The following KRT31 variants were observed in gnomAD, a reference collection of about 807,000 sequenced individuals.
KRT31 encodes the protein keratin 31.
KRT31 carries 27 observed loss-of-function variants against 40.8 expected under a neutral mutation model. The observed-to-expected ratio is 0.66, with a 90% CI of 0.49 to 0.91. The LOEUF (loss-of-function observed/expected upper bound fraction) is 0.91. Ranked by LOEUF, KRT31 falls within the 40% of genes least tolerant of loss-of-function variation. The probability of loss-of-function intolerance (pLI) is 0.00; values close to 1 mark genes in which losing one functional copy is unlikely to be tolerated. For missense variants in KRT31, 510 were observed against 544.1 expected (o/e 0.94, Z 0.62); for synonymous variants, 231 against 231.9 (o/e 1.00, Z 0.03).
rs540046370 is a variant in KRT31, at chr17:41,396,581, G to A, written c.432-5C>T. ...AGGGACAGCTCGGTCTGGTACCTGC[G>A]CAAGGACAGGGTCAGAGTACTACCT... On this transcript the variant is annotated splice_region_variant and splice_polypyrimidine_tract_variant and intron_variant, in intron 2 of 6. Coordinates refer to ENST00000251645, the MANE Select transcript of KRT31 (RefSeq NM_002277.3). The A allele has an allele frequency of 6.8e-5, 109 of 1,612,930 alleles. No individual in the cohort carries two copies. Among genetic ancestry groups the A allele is most frequent in the Non-Finnish European group, 8.4e-5 (99 of 1,179,334 alleles).
chr17:41,394,755 T>C, intron 6 of KRT31, 93 bp downstream of exon 6: 2 of 1,571,696 alleles, frequency 1.3e-6, no homozygotes, highest in Admixed American at 1.7e-5. Flanking sequence ...GAAGGCATAA[T>C]TTCCTTTCCA....
At position 41,396,997 on chromosome 17, in the gene KRT31, T is replaced by C. The variant is rs2018239649; in HGVS notation, c.349-2A>G. 1 of 1,613,424 alleles carries C rather than the reference T, an allele frequency of 6.2e-7. No individual in the cohort carries two copies. The highest frequency in any genetic ancestry group is 8.5e-7 in the Non-Finnish European group (1 of 1,179,476). ...ATTCTCAGACTTGGTACACAGGATC[T>C]GGGGAGTGAGAGGTGGCTTAGTGAG... On this transcript the variant is annotated splice_acceptor_variant, in intron 1 of 6. Coordinates refer to ENST00000251645, the MANE Select transcript of KRT31 (RefSeq NM_002277.3). LOFTEE classifies it high-confidence loss of function.
At chr17:41,396,696 G>T in intron 2 of KRT31, 120 bp from the exon 3 acceptor site, 1 of 1,142,276 alleles carries the variant, frequency 8.8e-7, no homozygotes. Context: ...CCAGGAGACA[G>T]AGGTTTCTGG....
chr17:41,395,461 C>T lies in KRT31; in HGVS notation c.750+1G>A. On this transcript the variant is annotated splice_donor_variant, in intron 4 of 6. Coordinates refer to ENST00000251645, the MANE Select transcript of KRT31 (RefSeq NM_002277.3). LOFTEE classifies it high-confidence loss of function. ...GAGGGGCCACGTGCTTAGATGCCCACCTGCGTGGTGAACCATTGCTCCACT... is the reference window on the plus strand; with the variant it reads ...GAGGGGCCACGTGCTTAGATGCCCATCTGCGTGGTGAACCATTGCTCCACT... The T allele has an allele frequency of 6.2e-7, 1 of 1,614,170 alleles. No homozygotes were observed. The highest frequency in any genetic ancestry group is 1.1e-5 in the South Asian group (1 of 91,078).
rs780905222 is a variant in KRT31, at chr17:41,397,511, A to G, written c.29T>C (p.Leu10Pro). The change falls in exon 1 of 7, where the codon CTG becomes CCG. Residue 10 changes from leucine (L) to proline (P), a missense_variant. Transcript: ENST00000251645. ...GGAGGAGCAGCTGGTGCGGCAGCTC[A>G]GGCTGGGCAGGCAGAAGTTGTAGGG... is the stretch of plus-strand genomic sequence containing the variant. MPYNFCLPS[L>P]SCRTSCSSRP... 16 of 1,469,232 alleles carry G rather than the reference A, an allele frequency of 1.1e-5. No homozygotes were observed. Among genetic ancestry groups the G allele is most frequent in the South Asian group, 2.2e-5 (2 of 88,970 alleles). 91.0% of individuals were successfully genotyped at this position (1,469,232 alleles called of 1,614,324 possible).
Position 41,393,815 on chromosome 17 carries a change from C to G in KRT31, c.*201G>C. On this transcript the variant is annotated 3_prime_UTR_variant, in exon 7 of 7. Transcript: ENST00000251645. ...CTGGGTGAGCATAGGAAGGAACAGACCCCCAGGAAGGAAAGGGTGAGCAGG... is the reference window on the plus strand; with the variant it reads ...CTGGGTGAGCATAGGAAGGAACAGAGCCCCAGGAAGGAAAGGGTGAGCAGG... 1.8e-6 allele frequency: 1 copy of G among 565,740 alleles called. No homozygotes were observed. The highest frequency in any genetic ancestry group is 3.3e-5 in the East Asian group (1 of 30,566). The allele number at this position is 565,740 out of a possible 1,614,324, so 35.0% of individuals were successfully genotyped here.
chr17:41,395,010 G>A lies in KRT31; in HGVS notation c.935C>T (p.Ser312Phe). 6.2e-7 allele frequency: 1 copy of A among 1,614,236 alleles called. No homozygotes were observed. The highest frequency in any genetic ancestry group is 1.7e-4 in the Middle Eastern group (1 of 6,060). The change falls in exon 6 of 7, where the codon TCC (serine) becomes TTC (phenylalanine). Residue 312 changes from serine to phenylalanine, a missense_variant. Transcript: ENST00000251645. ...GTTGGTGATCAGGCTCTGCACCTGG[G>A]ACAGCTGGGAGCTGTAGCGGGCCTC... ...ESEARYSSQL[S>F]QVQSLITNVE...
intron 1 of KRT31, 82 bp from the exon 2 acceptor site, chr17:41,397,077 G>C: frequency 1.3e-6 from 2 of 1,575,246 alleles, no homozygotes; most frequent in Non-Finnish European, 1.7e-6. Flanking sequence ...AAGCCATTTT[G>C]AAATAAAAGA....
At chr17:41,394,224 A>G (rs2018181611) in intron 6 of KRT31, 55 bp from the exon 7 acceptor site, 6 of 1,588,534 alleles carry the variant, frequency 3.8e-6, no homozygotes, top group Non-Finnish European at 5.2e-6. Flanking sequence ...TTAAAATCAT[A>G]TGCCAGAGAT....
chr17:41,396,890 A>T, intron 2 of KRT31, 23 bp downstream of exon 2: 1 of 1,571,732 alleles, frequency 6.4e-7, no homozygotes, highest in Non-Finnish European at 8.8e-7. Flanking sequence ...AATTGACACT[A>T]GTGCAAATTC....
In KRT31 at chr17:41,394,925, C is replaced by T; in HGVS notation, c.1020G>A (p.Gln340=). The change falls in exon 6 of 7, where the codon CAG becomes CAA. Residue 340 remains glutamine (Q), a synonymous_variant. Transcript: ENST00000251645. ...SDLERQNQEY[Q]VLLDVRARLE... ...GCCGGGCACGCACATCCAGCAGCAC[C>T]TGGTACTCCTGGTTCTGCCGCTCCA... 1 of 1,614,254 alleles carries T rather than the reference C, an allele frequency of 6.2e-7. No individual in the cohort carries two copies. Among genetic ancestry groups the T allele is most frequent in the East Asian group, 2.2e-5 (1 of 44,884 alleles).
chr17:41,393,987 A>C lies in KRT31; in HGVS notation c.*29T>G. On this transcript the variant is annotated 3_prime_UTR_variant, in exon 7 of 7. Transcript: ENST00000251645. ...ACAGCTCTGGAGTCCTGGGCCCTGCATCCTTGCTCCTCTGGCATTCCCTAG... is the reference window on the plus strand; with the variant it reads ...ACAGCTCTGGAGTCCTGGGCCCTGCCTCCTTGCTCCTCTGGCATTCCCTAG... The C allele has an allele frequency of 6.8e-6, 11 of 1,608,982 alleles. No individual in the cohort carries two copies. Among genetic ancestry groups the C allele is most frequent in the Non-Finnish European group, 9.3e-6 (11 of 1,178,738 alleles).
chr17:41,396,800 C>T (rs2018234622), intron 2 of KRT31, 113 bp downstream of exon 2: 1 of 1,075,526 alleles, frequency 9.3e-7, no homozygotes, highest in East Asian at 2.4e-5. Context: ...TCTCCCCAGT[C>T]CTCTGCAGAA....
At position 41,396,958 on chromosome 17, in the gene KRT31, A is replaced by C. The variant is rs1380911036; in HGVS notation, c.386T>G (p.Val129Gly). The stretch of plus-strand genomic sequence containing the variant: ...AGCCAGCTTGGCGTTGTCGATCTGC[A>C]CCACAAGCCTGGCATTCTCAGACTT... The part of the protein sequence containing the change: ...CTKSENARLV[V>G]QIDNAKLAAD... The change falls in exon 2 of 7, where the codon GTG becomes GGG. Residue 129 changes from valine to glycine, a missense_variant. Transcript: ENST00000251645. 2 of 1,614,216 alleles carry C rather than the reference A, an allele frequency of 1.2e-6. No homozygotes were observed. Among genetic ancestry groups the C allele is most frequent in the Non-Finnish European group, 1.7e-6 (2 of 1,180,024 alleles).
chr17:41,394,174 A>T lies in KRT31; in HGVS notation c.1098-5T>A. The T allele has an allele frequency of 6.2e-7, 1 of 1,609,612 alleles. No individual in the cohort carries two copies. Among genetic ancestry groups the T allele is most frequent in the Non-Finnish European group, 8.5e-7 (1 of 1,178,624 alleles). On this transcript the variant is annotated splice_region_variant and splice_polypyrimidine_tract_variant and intron_variant, in intron 6 of 6. Coordinates refer to ENST00000251645, the MANE Select transcript of KRT31 (RefSeq NM_002277.3). ...GCACAGGGATTGCTGGGCAGACTGG[A>T]GACAAAAGAATGATGTGGAAAAGTG...
Position 41,397,408 on chromosome 17 carries a change from G to T in KRT31, c.132C>A (p.Cys44Ter). Residue 44 changes from cysteine (C) to a stop codon, truncating the protein, a stop_gained, in exon 1 of 7, where the codon TGC (cysteine) becomes TGA (stop). Coordinates refer to ENST00000251645, the MANE Select transcript of KRT31 (RefSeq NM_002277.3). LOFTEE classifies it high-confidence loss of function. ...ACNIPANVSN[C>*]NWFCEGSFNG... The stretch of plus-strand genomic sequence containing the variant: ...TGAAGGAGCCCTCGCAGAACCAGTT[G>T]CAGTTGCTCACATTGGCGGGGATGT... 6.2e-7 allele frequency: 1 copy of T among 1,612,984 alleles called. No individual in the cohort carries two copies. The highest frequency in any genetic ancestry group is 8.5e-7 in the Non-Finnish European group (1 of 1,180,044).
At chr17:41,397,055 T>C (rs2018241651) in intron 1 of KRT31, 60 bp from the exon 2 acceptor site, 1 of 1,584,318 alleles carries the variant, frequency 6.3e-7, no homozygotes, top group African/African-American at 1.4e-5. Context: ...ATCAACTTTT[T>C]AAAAATGACT....
chr17:41,394,923 A>T lies in KRT31; in HGVS notation c.1022T>A (p.Val341Glu), dbSNP rs757773958. Reference protein sequence around the residue: ...DLERQNQEYQVLLDVRARLEC... With the variant: ...DLERQNQEYQELLDVRARLEC... ...CAGCCGGGCACGCACATCCAGCAGC[A>T]CCTGGTACTCCTGGTTCTGCCGCTC... is the stretch of plus-strand genomic sequence containing the variant. Residue 341 changes from valine to glutamate, a missense_variant, in exon 6 of 7, where the codon GTG becomes GAG. By Grantham distance (121) the Val-to-Glu change is moderately radical. Transcript: ENST00000251645. The T allele has an allele frequency of 4.3e-6, 7 of 1,614,090 alleles. No individual in the cohort carries two copies. Among genetic ancestry groups the T allele is most frequent in the African/African-American group, 1.3e-5 (1 of 74,920 alleles).
chr17:41,396,559 G>A lies in KRT31; in HGVS notation c.449C>T (p.Ser150Phe), dbSNP rs760198322. The A allele has an allele frequency of 6.2e-6, 10 of 1,614,020 alleles. No homozygotes were observed. Among genetic ancestry groups the A allele is most frequent in the Non-Finnish European group, 8.5e-6 (10 of 1,179,928 alleles). Residue 150 changes from serine (S) to phenylalanine (F), a missense_variant, in exon 3 of 7, where the codon TCC (serine) becomes TTC (phenylalanine). Physicochemically the swap from Ser to Phe is radical, Grantham distance 155 (BLOSUM62 -2). Transcript: ENST00000251645. ...DFRTKYQTEL[S>F]LRQLVESDIN... The stretch of plus-strand genomic sequence containing the variant: ...GTCCGACTCCACCAGCTGCCGCAGG[G>A]ACAGCTCGGTCTGGTACCTGCGCAA...
Sources: allele counts gnomAD v4.1 joint callset, GRCh38; gene constraint gnomAD v4.1.1; transcripts MANE v1.5; gene names NCBI Gene and HGNC (gene_info 2026-07-23, HGNC 2026-07-21).